Variants in YJEFN3 observed in about 807,000 individuals in gnomAD.
YJEFN3 encodes the protein yjeF N-terminal domain-containing protein 3.
YJEFN3 carries 29 observed loss-of-function variants against 31.5 expected under a neutral mutation model. The observed-to-expected ratio is 0.92, with a 90% confidence interval of 0.69 to 1.26. The LOEUF is 1.26. Among genes scored for constraint, YJEFN3 ranks in the 50% most tolerant of loss-of-function variants. YJEFN3 has a pLI of 0.00. For missense variants in YJEFN3, 442 were observed against 425.4 expected, an observed-to-expected ratio of 1.04 and a Z score of -0.34; for synonymous variants, 227 against 196.1, an observed-to-expected ratio of 1.16 and a Z score of -1.32.
chr19:19,536,314 G>T (rs574620441), intron 6 of YJEFN3, among the ~76,000 whole-genome samples: 1 of 152,230 alleles, frequency 6.6e-6, no homozygotes, highest in Non-Finnish European at 1.5e-5. Flanking sequence ...GTGTCTTCTG[G>T]TGAGTGGCCC....
intron 6 of YJEFN3, 32 bp from the exon 7 acceptor site, chr19:19,537,287 G>A (rs766722175): frequency 1.0e-5 from 16 of 1,538,796 alleles, no homozygotes; most frequent in Non-Finnish European, 1.4e-5. Context: ...CACCCTCCCA[G>A]TTCCCAATCC....
At chr19:19,533,759 AAGG>A (rs1050778665) in intron 3 of YJEFN3, 2 of 985,398 alleles carry the variant, frequency 2.0e-6, no homozygotes, top group South Asian at 4.7e-5. Context: ...GAGGCGCCCA[AAGG>A]AGAAGGAAAA....
rs546467699 is a variant in YJEFN3, at chr19:19,532,749, CCCCTGACCCCCAA to C, written c.318+20_318+32del. 6.0e-4 allele frequency: 929 copies of C among 1,545,636 alleles called. 1 individual carries two copies. The highest frequency in any genetic ancestry group is 5.4e-3 in the Middle Eastern group (32 of 5,970). On this transcript the variant is annotated intron_variant, in intron 3 of 6. Coordinates refer to ENST00000514277, the MANE Select transcript of YJEFN3 (RefSeq NM_198537.4). ...CCGTGGCTGTGACCAAGGTACCTGA[CCCCTGACCCCCAA>C]CCCTGACCCCAACCAGACGGCCAAC...
Position 19,534,202 on chromosome 19 carries a change from A to G in YJEFN3, c.319-832A>G. Reference sequence around the variant, plus strand: ...GAGATACAGAGATGGCCAGAGACAGATGGAGAGAGACAGATAACAGAGAGA... The same window carrying G: ...GAGATACAGAGATGGCCAGAGACAGGTGGAGAGAGACAGATAACAGAGAGA... On this transcript the variant is annotated intron_variant, in intron 3 of 6. Transcript: ENST00000514277. This position sits in a 1 kb window ranked among gnomAD's most constrained non-coding sequence, Gnocchi z 4.6. 2 of 975,610 alleles carry G rather than the reference A, an allele frequency of 2.0e-6. No homozygotes were observed. The highest frequency in any genetic ancestry group is 2.4e-6 in the Non-Finnish European group (2 of 820,940). The allele number at this position is 975,610 out of a possible 1,614,324, so 60.4% of individuals were successfully genotyped here. A position where few individuals can be genotyped will look rare whatever the true frequency, so the allele number is the denominator to read the frequency against.
At chr19:19,536,692 C>T (rs2061213002) in intron 6 of YJEFN3, among the ~76,000 whole-genome samples, 1 of 149,186 alleles carries the variant, frequency 6.7e-6, no homozygotes, top group Non-Finnish European at 1.5e-5. Flanking sequence ...AACAAACAGG[C>T]TGGGCGCAAT....
rs1260328759 is a variant in YJEFN3, at chr19:19,529,220, GC to G, written c.60-143del. The G allele has an allele frequency of 2.1e-6, 3 of 1,447,478 alleles. No homozygotes were observed. In the African/African-American group the frequency reaches 4.3e-5, roughly 21 times the overall value. 89.7% of individuals were successfully genotyped at this position (1,447,478 alleles called of 1,614,324 possible). On this transcript the variant is annotated intron_variant, in intron 1 of 6. Coordinates refer to ENST00000514277, the MANE Select transcript of YJEFN3 (RefSeq NM_198537.4). ...ATCCCGGGAATCCGAGACCCTCCTG[GC>G]ATCTTGCTGGAGACACTAAGCTGCG...
intron 2 of YJEFN3, among the ~76,000 whole-genome samples, chr19:19,530,435 C>T (rs1239915198): frequency 2.6e-5 from 4 of 151,544 alleles, no homozygotes; most frequent in Non-Finnish European, 4.4e-5. Flanking sequence ...CCTGGACGAC[C>T]CTCTGCCCAC....
Position 19,528,961 on chromosome 19 carries a change from C to G in YJEFN3, c.29C>G (p.Ser10Trp), listed in dbSNP as rs757733552. 5 of 1,549,888 alleles carry G rather than the reference C, an allele frequency of 3.2e-6. No individual in the cohort carries two copies. Among genetic ancestry groups the G allele is most frequent in the Non-Finnish European group, 4.4e-6 (5 of 1,146,722 alleles). Residue 10 changes from serine (S) to tryptophan (W), a missense_variant, in exon 1 of 7, where the codon TCG (serine) becomes TGG (tryptophan). Coordinates refer to ENST00000514277, the MANE Select transcript of YJEFN3 (RefSeq NM_198537.4). The part of the protein sequence containing the change: MSSAAGPDP[S>W]EAPEERHFLR... ...AGCAGCGCAGCCGGCCCAGACCCGT[C>G]GGAGGCGCCCGAAGAGCGGCATTTC...
Position 19,535,074 on chromosome 19 carries a change from T to G in YJEFN3, c.359T>G (p.Val120Gly). The change falls in exon 4 of 7, where the codon GTG (valine) becomes GGG (glycine). Residue 120 changes from valine to glycine, a missense_variant. Physicochemically the swap from Val to Gly is moderately radical, Grantham distance 109. Transcript: ENST00000514277. ...LPALSRKQRT[V>G]LVVCGPEQNG... The stretch of plus-strand genomic sequence containing the variant: ...GCTCTCTCCCGGAAGCAGAGGACGG[T>G]GCTGGTCGTGTGTGGCCCGGAGCAG... 6.2e-7 allele frequency: 1 copy of G among 1,611,562 alleles called. No individual in the cohort carries two copies. The highest frequency in any genetic ancestry group is 8.5e-7 in the Non-Finnish European group (1 of 1,178,860).
At chr19:19,530,694 A>G (rs563808047) in intron 2 of YJEFN3, among the ~76,000 whole-genome samples, 2 of 152,160 alleles carry the variant, frequency 1.3e-5, no homozygotes, top group East Asian at 3.9e-4. Flanking sequence ...CTTTCCTGGG[A>G]GCTGCGCTGG....
chr19:19,529,829 G>C (rs2061137047), intron 2 of YJEFN3, among the ~76,000 whole-genome samples: 3 of 152,222 alleles, frequency 2.0e-5, no homozygotes, highest in Admixed American at 2.0e-4. Flanking sequence ...ACGTAGTGGG[G>C]AACTGGCTGA....
intron 3 of YJEFN3, 52 bp downstream of exon 3, chr19:19,532,792 C>T (rs750465899): frequency 2.1e-6 from 3 of 1,411,746 alleles, no homozygotes; most frequent in African/African-American, 2.8e-5. Flanking sequence ...GCCAACTCTC[C>T]TGAGCTGCAT....
At position 19,528,943 on chromosome 19, in the gene YJEFN3, C is replaced by T. The variant is rs887046938; in HGVS notation, c.11C>T (p.Ala4Val). 2.1e-5 allele frequency: 32 copies of T among 1,549,020 alleles called. No individual in the cohort carries two copies. Among genetic ancestry groups the T allele is most frequent in the Non-Finnish European group, 2.6e-5 (30 of 1,146,364 alleles). The part of the protein sequence containing the change: MSS[A>V]AGPDPSEAPE... Reference sequence around the variant, plus strand: ...GGGCTCACCTCGGCCATGAGCAGCGCAGCCGGCCCAGACCCGTCGGAGGCG... The same window carrying T: ...GGGCTCACCTCGGCCATGAGCAGCGTAGCCGGCCCAGACCCGTCGGAGGCG... Residue 4 changes from alanine to valine, a missense_variant, in exon 1 of 7, where the codon GCA (alanine) becomes GTA (valine). Ala to Val is a moderately conservative substitution (Grantham distance 64). Transcript: ENST00000514277.
intron 3 of YJEFN3, chr19:19,533,139 T>A (rs747877293): frequency 4.3e-5 from 43 of 1,010,900 alleles, no homozygotes; most frequent in Admixed American, 5.9e-5. Context: ...GCGAGGGGCC[T>A]GCCCTGGGTC....
At chr19:19,529,586 A>G (rs966141999) in intron 2 of YJEFN3, 73 bp downstream of exon 2, 1 of 1,557,578 alleles carries the variant, frequency 6.4e-7, no homozygotes, top group Non-Finnish European at 8.7e-7. Flanking sequence ...CCTTTGTGAC[A>G]TGGGACCCCA....
chr19:19,537,068 C>G (rs1482585009), intron 6 of YJEFN3, among the ~76,000 whole-genome samples: 1 of 151,438 alleles, frequency 6.6e-6, no homozygotes, highest in Non-Finnish European at 1.5e-5. Context: ...CCTCCAAGGA[C>G]TGGGAGAGAC....
At position 19,535,511 on chromosome 19, in the gene YJEFN3, C is replaced by G; in HGVS notation, c.544-18C>G. 6.2e-7 allele frequency: 1 copy of G among 1,609,052 alleles called. No homozygotes were observed. Among genetic ancestry groups the G allele is most frequent in the Non-Finnish European group, 8.5e-7 (1 of 1,176,666 alleles). On this transcript the variant is annotated intron_variant, in intron 5 of 6. Coordinates refer to ENST00000514277, the MANE Select transcript of YJEFN3 (RefSeq NM_198537.4). ...TGCAGTGGCCCTGGGCCACCCTGAC[C>G]CTGCCTGCCTTCCCCAGGTGCAGCT... is the stretch of plus-strand genomic sequence containing the variant.
At chr19:19,531,315 A>C (rs1160338235) in intron 2 of YJEFN3, among the ~76,000 whole-genome samples, 1 of 152,236 alleles carries the variant, frequency 6.6e-6, no homozygotes, top group Non-Finnish European at 1.5e-5. Context: ...CAGTTTCCCA[A>C]CTTGCTTCCT....
Position 19,529,343 on chromosome 19 carries a change from C to G in YJEFN3, c.60-21C>G, listed in dbSNP as rs781623526. ...CACCGAACCCCAACCGTGGCCCACC[C>G]CCACTCTCCATCTCTCCCAGGGCCT... is the stretch of plus-strand genomic sequence containing the variant. On this transcript the variant is annotated intron_variant, in intron 1 of 6. Coordinates refer to ENST00000514277, the MANE Select transcript of YJEFN3 (RefSeq NM_198537.4). 3.1e-6 allele frequency: 5 copies of G among 1,599,586 alleles called. No homozygotes were observed. The Admixed American group carries it at 6.9e-5, about 22-fold the overall frequency.
Sources: allele counts gnomAD v4.1 joint callset (sites outside exome capture counted in the v4.1 genomes callset), GRCh38; gene constraint gnomAD v4.1.1; non-coding constraint Gnocchi (gnomAD v3.1); transcripts MANE v1.5; gene names NCBI Gene and HGNC (gene_info 2026-07-23, HGNC 2026-07-21).